Variants in CEP350 observed in about 807,000 individuals in gnomAD.
The protein encoded by CEP350 is centrosome-associated protein 350.
In CEP350, 126 loss-of-function variants were observed where a neutral mutation model predicts 331.8. The ratio of observed to expected loss-of-function variants is 0.38; its 90% CI spans 0.33 to 0.44. CEP350 has a LOEUF of 0.44. CEP350 is among the 20% of genes least tolerant of loss of function. CEP350 has a pLI of 1.00. For synonymous variants in CEP350, 1,200 were observed against 1,259.5 expected, an observed-to-expected ratio of 0.95 and a Z score of 1.00; for missense variants, 3,406 against 3,634.6, an observed-to-expected ratio of 0.94 and a Z score of 1.62.
intron 21 of CEP350, among the ~76,000 whole-genome samples, chr1:180,045,078 A>G (rs1360603410): frequency 1.3e-5 from 2 of 152,194 alleles, no homozygotes; most frequent in Admixed American, 1.3e-4. Context: ...ACAGTGACTC[A>G]CGCCTGTGAT....
intron 8 of CEP350, among the ~76,000 whole-genome samples, chr1:180,010,582 T>C (rs59132689): frequency 0.14 from 21,211 of 151,710 alleles, 1,566 homozygotes; most frequent in African/African-American, 0.17. Context: ...TGTTTCTTCC[T>C]TCCTTTCTTT....
At position 180,049,625 on chromosome 1, in the gene CEP350, C is replaced by T. The variant is rs572587615; in HGVS notation, c.4792+920C>T. On this transcript the variant is annotated intron_variant, in intron 22 of 37. Coordinates refer to ENST00000367607, the MANE Select transcript of CEP350 (RefSeq NM_014810.5). ...GTGGCGTGATCTCAGCTCACTGCAA[C>T]CTCCGCCTCCTGGGTTCAAGTGATT... 5.3e-5 allele frequency among the ~76,000 whole-genome samples: 8 copies of T among 150,956 alleles called. No homozygotes were observed. The South Asian group carries it at 1.5e-3, about 28-fold the overall frequency.
In CEP350 at chr1:180,010,257, C is replaced by T. The variant is rs533940967; in HGVS notation, c.1247-1672C>T. Among the ~76,000 whole-genome samples the T allele has an allele frequency of 1.4e-4, 21 of 151,852 alleles. No individual in the cohort carries two copies. The East Asian group carries it at 2.9e-3, about 21-fold the overall frequency. On this transcript the variant is annotated intron_variant, in intron 8 of 37. Transcript: ENST00000367607. ...CCATTCTTCAGTATTTAGTTACTTC[C>T]GATACTATAAAAATGATACAGTCAA... is the stretch of plus-strand genomic sequence containing the variant.
rs1213807968 is a variant in CEP350, at chr1:180,111,633, A to G, written c.*472A>G. The stretch of plus-strand genomic sequence containing the variant: ...CCCTTAACCACTTCTAAAATAGGCA[A>G]GCTCAATAATGTCTGCCAACTTCAC... On this transcript the variant is annotated 3_prime_UTR_variant, in exon 38 of 38. Coordinates refer to ENST00000367607, the MANE Select transcript of CEP350 (RefSeq NM_014810.5). 6.5e-6 allele frequency: 1 copy of G among 152,850 alleles called. No homozygotes were observed. Among genetic ancestry groups the G allele is most frequent in the Non-Finnish European group, 1.5e-5 (1 of 68,186 alleles). The allele number at this position is 152,850 out of a possible 1,614,324, so 9.5% of individuals were successfully genotyped here.
chr1:180,106,981 C>T (rs1661182853), intron 37 of CEP350, among the ~76,000 whole-genome samples: 3 of 152,090 alleles, frequency 2.0e-5, no homozygotes, highest in Admixed American at 6.6e-5. Context: ...GCTACCACCA[C>T]ATTTCTTGAT....
intron 33 of CEP350, among the ~76,000 whole-genome samples, chr1:180,091,205 G>T (rs1026001842): frequency 1.3e-5 from 2 of 151,458 alleles, no homozygotes; most frequent in Admixed American, 6.6e-5. Context: ...TTAAGAGACG[G>T]GGGGGTCTCA....
chr1:180,046,483 G>T (rs1247680962), intron 21 of CEP350, among the ~76,000 whole-genome samples: 1 of 152,136 alleles, frequency 6.6e-6, no homozygotes, highest in Admixed American at 6.5e-5. Flanking sequence ...CCATTCATCA[G>T]TTGGTGGACA....
At chr1:180,063,076 T>G (rs1331517483) in intron 26 of CEP350, among the ~76,000 whole-genome samples, 1 of 152,124 alleles carries the variant, frequency 6.6e-6, no homozygotes, top group African/African-American at 2.4e-5. Flanking sequence ...TTCTTCAGAA[T>G]TAATGGGGGA....
intron 37 of CEP350, among the ~76,000 whole-genome samples, chr1:180,110,149 A>G (rs985176737): frequency 6.6e-6 from 1 of 152,248 alleles, no homozygotes; most frequent in Non-Finnish European, 1.5e-5. Flanking sequence ...AAATTTATTT[A>G]TAACAAGTGT....
In CEP350 at chr1:180,004,493, C is replaced by A. The variant is rs1654076181; in HGVS notation, c.1132+1206C>A. Among the ~76,000 whole-genome samples the A allele has an allele frequency of 3.3e-5, 5 of 152,066 alleles. No homozygotes were observed. The South Asian group carries it at 1.0e-3, about 32-fold the overall frequency. Reference sequence around the variant, plus strand: ...GTTATATCAGTCATTGTAAAAGAACCCCTCTTTTGGCCTTACTTTTCTCCA... The same window carrying A: ...GTTATATCAGTCATTGTAAAAGAACACCTCTTTTGGCCTTACTTTTCTCCA... On this transcript the variant is annotated intron_variant, in intron 7 of 37. Coordinates refer to ENST00000367607, the MANE Select transcript of CEP350 (RefSeq NM_014810.5).
Position 180,015,889 on chromosome 1 carries a change from A to C in CEP350, c.2093A>C (p.Glu698Ala). The C allele has an allele frequency of 1.2e-6, 2 of 1,613,978 alleles. No individual in the cohort carries two copies. Among genetic ancestry groups the C allele is most frequent in the Non-Finnish European group, 1.7e-6 (2 of 1,179,884 alleles). Residue 698 changes from glutamate to alanine, a missense_variant, in exon 11 of 38, where the codon GAA becomes GCA. Transcript: ENST00000367607. Reference protein sequence around the residue: ...GYQPSGESDKENKVQERPPSA... With the variant: ...GYQPSGESDKANKVQERPPSA... ...CAGCCATCTGGAGAATCTGACAAAG[A>C]AAACAAAGTACAGGAACGTCCCCCA...
At chr1:180,104,412 A>G (rs565349824) in intron 37 of CEP350, among the ~76,000 whole-genome samples, 25 of 152,004 alleles carry the variant, frequency 1.6e-4, no homozygotes, top group African/African-American at 6.0e-4. Context: ...GACTATTGGG[A>G]ATTTTGCTTA....
chr1:180,077,591 T>C (rs555092204), intron 28 of CEP350, among the ~76,000 whole-genome samples: 4 of 140,520 alleles, frequency 2.8e-5, no homozygotes, highest in African/African-American at 1.1e-4. Flanking sequence ...TGCTTGTTCC[T>C]GGGAGGTCGA....
chr1:179,979,772 TCA>T (rs2148640282), intron 1 of CEP350, among the ~76,000 whole-genome samples: 1 of 152,200 alleles, frequency 6.6e-6, no homozygotes, highest in African/African-American at 2.4e-5. Context: ...ATATGGAGAT[TCA>T]GTTTTCCCAG....
At chr1:180,107,636 C>T (rs1661217414) in intron 37 of CEP350, among the ~76,000 whole-genome samples, 1 of 152,210 alleles carries the variant, frequency 6.6e-6, no homozygotes, top group Non-Finnish European at 1.5e-5. Context: ...CCACTGCACT[C>T]CAGCCTGGGT....
rs574887029 is a variant in CEP350 at position 179,956,841 on chromosome 1, G to T, written c.-14+1699G>T. Among the ~76,000 whole-genome samples the T allele has an allele frequency of 5.9e-5, 9 of 152,134 alleles. No individual in the cohort carries two copies. The East Asian group carries it at 1.7e-3, about 29-fold the overall frequency. Reference sequence around the variant, plus strand: ...GACACACAAGGAAGATCATTTATGTGAATGCCTCTCATTTCTGCAGATAAT... The same window carrying T: ...GACACACAAGGAAGATCATTTATGTTAATGCCTCTCATTTCTGCAGATAAT... On this transcript the variant is annotated intron_variant, in intron 1 of 37. Transcript: ENST00000367607.
chr1:180,026,176 C>T (rs1054944313), intron 14 of CEP350, among the ~76,000 whole-genome samples: 2 of 151,518 alleles, frequency 1.3e-5, no homozygotes, highest in Non-Finnish European at 2.9e-5. Context: ...GAGGCTGAGG[C>T]AGGAGAATCG....
intron 1 of CEP350, chr1:179,969,218 GA>G: frequency 1.9e-6 from 1 of 535,444 alleles, no homozygotes; most frequent in South Asian, 1.6e-5. Flanking sequence ...ACACCCGTGG[GA>G]AGTCATGCCT....
At chr1:179,991,351 CTG>C (rs1484774488) in intron 4 of CEP350, among the ~76,000 whole-genome samples, 1 of 133,264 alleles carries the variant, frequency 7.5e-6, no homozygotes, top group Non-Finnish European at 1.6e-5. Context: ...GAGTCTCACT[CTG>C]TCGCCCAGGC....
Sources: gnomAD v4.1 joint callset for allele counts (sites outside exome capture counted in the v4.1 genomes callset) on GRCh38, gnomAD v4.1.1 for gene constraint, MANE v1.5 for transcripts, NCBI Gene and HGNC (gene_info 2026-07-23, HGNC 2026-07-21) for gene names.